LCT: variants seen among roughly 807,000 people sequenced by gnomAD.
LCT encodes lactase/phlorizin hydrolase.
LCT carries 90 observed loss-of-function variants against 173.0 expected under a neutral mutation model. The observed-to-expected ratio is 0.52, with a 90% CI of 0.44 to 0.62. The LOEUF (loss-of-function observed/expected upper bound fraction) is 0.62. LCT is among the 20% of genes least tolerant of loss of function. LCT has a pLI of 0.00. For synonymous variants in LCT, 853 were observed against 957.6 expected (o/e 0.89, Z 2.02); for missense variants, 1,864 against 2,431.4 (o/e 0.77, Z 4.91).
chr2:135,807,547 C>T (rs2077687617), intron 8 of LCT, 151 bp from the exon 9 acceptor site: 1 of 741,872 alleles, frequency 1.3e-6, no homozygotes, highest in South Asian at 1.5e-5. Context: ...GTTGATCTTA[C>T]TTTTCTGCCA....
At chr2:135,798,225 T>C in intron 12 of LCT, 87 bp from the exon 13 acceptor site, 1 of 793,674 alleles carries the variant, frequency 1.3e-6, no homozygotes, top group Non-Finnish European at 2.3e-6. Context: ...GTGCCTGGCC[T>C]CACAACCTCC....
chr2:135,812,528 G>T lies in LCT; in HGVS notation c.2136C>A (p.His712Gln). Residue 712 changes from histidine to glutamine, a missense_variant, in exon 7 of 17, where the codon CAC (histidine) becomes CAA (glutamine). By Grantham distance (24) the His-to-Gln change is conservative. This residue lies in a region of LCT where 755 missense variants were observed against 926.3 expected (regional missense o/e 0.82). Coordinates refer to ENST00000264162, the MANE Select transcript of LCT (RefSeq NM_002299.4). ...SYDTIGGFSQ[H>Q]VNHVWPQTSS... is the part of the protein sequence containing the mutation. ...AGGTCTGGGGCCACACATGGTTCAC[G>T]TGTTGGGAGAAGCCTCCAATGGTAT... 6.2e-7 allele frequency: 1 copy of T among 1,614,202 alleles called. No individual in the cohort carries two copies. The highest frequency in any genetic ancestry group is 8.5e-7 in the Non-Finnish European group (1 of 1,180,028).
intron 9 of LCT, among the ~76,000 whole-genome samples, chr2:135,805,587 G>A (rs1030082638): frequency 5.3e-5 from 8 of 152,188 alleles, no homozygotes; most frequent in African/African-American, 1.7e-4. Context: ...TAGGACATCA[G>A]AATAAGCTCA....
At chr2:135,803,904 G>C (rs762546634) in intron 11 of LCT, 26 bp downstream of exon 11, 2 of 1,597,702 alleles carry the variant, frequency 1.3e-6, no homozygotes, top group South Asian at 1.1e-5. Flanking sequence ...GATTCAAAGA[G>C]CCTATGAGCC....
chr2:135,818,190 G>T, intron 5 of LCT, 129 bp from the exon 6 acceptor site: 2 of 1,088,498 alleles, frequency 1.8e-6, no homozygotes, highest in Non-Finnish European at 2.7e-6. Context: ...AGTCATATCT[G>T]CAAAGCCATG....
At chr2:135,797,315 T>C in intron 13 of LCT, among the ~76,000 whole-genome samples, 1 of 152,132 alleles carries the variant, frequency 6.6e-6, no homozygotes, top group Non-Finnish European at 1.5e-5. Context: ...TCAAAGACTA[T>C]GTTGGGAATT....
In LCT at chr2:135,790,949, C is replaced by G; in HGVS notation, c.5112-68G>C. Reference sequence around the variant, plus strand: ...CTCAAGAGGCCCTTTACACGAAACACAAAACAGGACTTAGACCAGGAAAAG... The same window carrying G: ...CTCAAGAGGCCCTTTACACGAAACAGAAAACAGGACTTAGACCAGGAAAAG... On this transcript the variant is annotated intron_variant, in intron 14 of 16. Coordinates refer to ENST00000264162, the MANE Select transcript of LCT (RefSeq NM_002299.4). This position sits in a 1 kb window ranked among gnomAD's most constrained non-coding sequence, Gnocchi z 4.1. The G allele has an allele frequency of 1.8e-6, 2 of 1,141,450 alleles. No individual in the cohort carries two copies. The highest frequency in any genetic ancestry group is 2.7e-6 in the Non-Finnish European group (2 of 754,088). 70.7% of individuals were successfully genotyped at this position (1,141,450 alleles called of 1,614,324 possible).
In LCT at chr2:135,807,357, G is replaced by A. The variant is rs1292968248; in HGVS notation, c.3944C>T (p.Ala1315Val). ...CTCAAAGTTGTCCATCAGAGACCAG[G>A]CGACATACCCTCGAAGGTCTATACC... is the stretch of plus-strand genomic sequence containing the variant. ...LDGIDLRGYV[A>V]WSLMDNFEWL... The change falls in exon 9 of 17, where the codon GCC becomes GTC. Residue 1315 changes from alanine to valine, a missense_variant. Ala to Val is a moderately conservative substitution (Grantham distance 64). Around this residue, in one of 4 missense-constraint regions of LCT, gnomAD observed 755 missense variants for 926.3 expected, o/e 0.82. Transcript: ENST00000264162. 3 of 1,614,142 alleles carry A rather than the reference G, an allele frequency of 1.9e-6. No homozygotes were observed. The highest frequency in any genetic ancestry group is 1.1e-5 in the South Asian group (1 of 91,072).
chr2:135,804,834 T>C lies in LCT; in HGVS notation c.4397A>G (p.Asn1466Ser), dbSNP rs1368435138. Reference protein sequence around the residue: ...ILPDGTTRYINEAGLNYYVRL... With the variant: ...ILPDGTTRYISEAGLNYYVRL... The stretch of plus-strand genomic sequence containing the variant: ...CACGTAGTAGTTCAGGCCCGCTTCA[T>C]TGATGTACCTGGTGGTTCCATCAGG... Residue 1466 changes from asparagine to serine, a missense_variant, in exon 10 of 17, where the codon AAT (asparagine) becomes AGT (serine). By Grantham distance (46) the Asn-to-Ser change is conservative. Around this residue, in one of 4 missense-constraint regions of LCT, gnomAD observed 514 missense variants for 750.1 expected, o/e 0.69. Coordinates refer to ENST00000264162, the MANE Select transcript of LCT (RefSeq NM_002299.4). 6.8e-6 allele frequency: 11 copies of C among 1,614,032 alleles called. No homozygotes were observed. Among genetic ancestry groups the C allele is most frequent in the Admixed American group, 1.7e-5 (1 of 60,014 alleles).
At position 135,790,712 on chromosome 2, in the gene LCT, T is replaced by A; in HGVS notation, c.5281A>T (p.Asn1761Tyr). Residue 1761 changes from asparagine to tyrosine, a missense_variant, in exon 15 of 17, where the codon AAT (asparagine) becomes TAT (tyrosine). Asn to Tyr is a moderately radical substitution (Grantham distance 143). Transcript: ENST00000264162. This position sits in a 1 kb window ranked among gnomAD's most constrained non-coding sequence, Gnocchi z 4.1. ...AGGTAGTAGATCCTTGCAGTGTCAT[T>A]GAGGTCTGTTTCTTCCCGCTGGGAC... ...GVSQREETDL[N>Y]DTARIYYLRT... 6.2e-7 allele frequency: 1 copy of A among 1,613,630 alleles called. No homozygotes were observed. The highest frequency in any genetic ancestry group is 8.5e-7 in the Non-Finnish European group (1 of 1,179,962).
intron 14 of LCT, chr2:135,794,330 C>A: frequency 3.7e-6 from 1 of 271,346 alleles, no homozygotes; most frequent in Non-Finnish European, 7.0e-6. Flanking sequence ...TTTTTAACAA[C>A]CAAGCATTTT....
In LCT at chr2:135,817,540, G is replaced by C; in HGVS notation, c.1508C>G (p.Ala503Gly). ...ATLFHWDLPQ[A>G]LQDHGGWQNE... ...CTGCCATCCACCATGATCCTGCAGG[G>C]CCTGAGGCAGGTCCCAGTGGAACAG... is the stretch of plus-strand genomic sequence containing the variant. The change falls in exon 6 of 17, where the codon GCC becomes GGC. Residue 503 changes from alanine to glycine, a missense_variant. Coordinates refer to ENST00000264162, the MANE Select transcript of LCT (RefSeq NM_002299.4). The C allele has an allele frequency of 6.2e-7, 1 of 1,614,116 alleles. No homozygotes were observed. Among genetic ancestry groups the C allele is most frequent in the Non-Finnish European group, 8.5e-7 (1 of 1,180,000 alleles).
intron 10 of LCT, 48 bp downstream of exon 10, chr2:135,804,719 G>T (rs2077654408): frequency 2.6e-6 from 4 of 1,561,352 alleles, no homozygotes; most frequent in South Asian, 1.1e-5. Context: ...CAGCCCTGCT[G>T]GTTCCTGCAT....
chr2:135,800,588 G>A lies in LCT; in HGVS notation c.4866+19C>T, dbSNP rs374340256. 32 of 1,590,852 alleles carry A rather than the reference G, an allele frequency of 2.0e-5. No homozygotes were observed. Among genetic ancestry groups the A allele is most frequent in the African/African-American group, 1.1e-4 (8 of 74,394 alleles). On this transcript the variant is annotated intron_variant, in intron 12 of 16. Transcript: ENST00000264162. ...AAGATGGACAAGAGTAAGAACAAGC[G>A]CCCAGAGGAAAAACAGACCTGAACA...
intron 4 of LCT, chr2:135,822,500 G>T: frequency 4.6e-6 from 1 of 217,090 alleles, no homozygotes; most frequent in Non-Finnish European, 9.3e-6. Context: ...AGAACTCAAA[G>T]ATCAGAAAGG....
chr2:135,793,953 C>A (rs1031590158), intron 14 of LCT, among the ~76,000 whole-genome samples: 20 of 143,646 alleles, frequency 1.4e-4, no homozygotes, highest in African/African-American at 5.1e-4. Flanking sequence ...ATGATGAAAC[C>A]CCGTCTCTGC....
chr2:135,797,481 C>T (rs574619945), intron 13 of LCT, among the ~76,000 whole-genome samples: 1 of 152,336 alleles, frequency 6.6e-6, no homozygotes, highest in South Asian at 2.1e-4. Flanking sequence ...GGCTGCAAAT[C>T]TCAGCTCTAT....
chr2:135,817,419 C>T lies in LCT; in HGVS notation c.1629G>A (p.Pro543=), dbSNP rs756387615. The T allele has an allele frequency of 1.7e-5, 27 of 1,614,040 alleles. No homozygotes were observed. The South Asian group carries it at 2.6e-4, about 16-fold the overall frequency. ...CATAGCCTGCGTAGCTCATCACCCA[C>T]GGCTCATGGAAGGTCACCCACAGCT... is the stretch of plus-strand genomic sequence containing the variant. ...RVKLWVTFHE[P]WVMSYAGYGT... The change falls in exon 6 of 17, where the codon CCG becomes CCA. Residue 543 remains proline (P), a synonymous_variant. Coordinates refer to ENST00000264162, the MANE Select transcript of LCT (RefSeq NM_002299.4).
chr2:135,808,993 C>A lies in LCT; in HGVS notation c.3354G>T (p.Gly1118=), dbSNP rs1273245715. The change falls in exon 8 of 17, where the codon GGG becomes GGT. Residue 1118 remains glycine, a synonymous_variant. Transcript: ENST00000264162. The stretch of plus-strand genomic sequence containing the variant: ...GTGTACTGAGGCTCAGCGAGATGAC[C>A]CCCTTCTGCTCCTGCCTGTATTTCT... ...YDEKYRQEQK[G]VISLSLSTHW... is the part of the protein sequence containing the mutation. 1 of 1,611,182 alleles carries A rather than the reference C, an allele frequency of 6.2e-7. No individual in the cohort carries two copies. The highest frequency in any genetic ancestry group is 8.5e-7 in the Non-Finnish European group (1 of 1,177,956).
Sources: gnomAD v4.1 joint callset for allele counts (sites outside exome capture counted in the v4.1 genomes callset) on GRCh38, gnomAD v4.1.1 for gene constraint, gnomAD v4.1.1 regional missense constraint, Gnocchi (gnomAD v3.1) non-coding constraint, MANE v1.5 for transcripts, NCBI Gene and HGNC (gene_info 2026-07-23, HGNC 2026-07-21) for gene names.